The following CAPN13 variants were observed in gnomAD, a reference collection of about 807,000 sequenced individuals.
CAPN13 encodes the protein calpain-13.
CAPN13 carries 90 observed loss-of-function variants against 98.4 expected under a neutral mutation model. The observed-to-expected ratio is 0.92, with a 90% CI of 0.77 to 1.09. The LOEUF is 1.09. CAPN13 is among the 50% of genes least tolerant of loss of function. The pLI, the probability that CAPN13 is intolerant of heterozygous loss-of-function variation, is 0.00. For missense variants in CAPN13, 887 were observed against 841.3 expected (o/e 1.05, Z -0.67); for synonymous variants, 330 against 305.5 (o/e 1.08, Z -0.84).
At chr2:30,766,604 C>T (rs1673124052) in intron 5 of CAPN13, among the ~76,000 whole-genome samples, 1 of 152,226 alleles carries the variant, frequency 6.6e-6, no homozygotes, top group African/African-American at 2.4e-5. Context: ...TATTCCTCGT[C>T]ACCTGACCCA....
chr2:30,750,642 T>G (rs944139341), intron 11 of CAPN13, among the ~76,000 whole-genome samples: 1 of 152,192 alleles, frequency 6.6e-6, no homozygotes, highest in African/African-American at 2.4e-5. Context: ...CAGCTCATTT[T>G]TTTCCTAAGC....
intron 9 of CAPN13, among the ~76,000 whole-genome samples, chr2:30,753,399 C>T (rs2147994617): frequency 6.6e-6 from 1 of 152,304 alleles, no homozygotes; most frequent in Admixed American, 6.5e-5. Context: ...CAGTCAAGTT[C>T]TGGGGTCTGC....
chr2:30,772,190 C>A (rs1235238775), intron 4 of CAPN13, among the ~76,000 whole-genome samples: 2 of 152,220 alleles, frequency 1.3e-5, no homozygotes, highest in East Asian at 3.8e-4. Context: ...CCACCACCTG[C>A]ATTTCCTGGT....
At chr2:30,727,174 A>C (rs1670886337) in intron 22 of CAPN13, among the ~76,000 whole-genome samples, 1 of 152,206 alleles carries the variant, frequency 6.6e-6, no homozygotes, top group Admixed American at 6.5e-5. Flanking sequence ...ACACCATATA[A>C]AAAATGATCT....
chr2:30,750,116 G>A (rs996232509), intron 11 of CAPN13, among the ~76,000 whole-genome samples: 3 of 152,160 alleles, frequency 2.0e-5, no homozygotes, highest in African/African-American at 4.8e-5. Flanking sequence ...TATATACTGT[G>A]AAATATTATG....
intron 3 of CAPN13, among the ~76,000 whole-genome samples, chr2:30,776,292 C>T (rs1031758586): frequency 2.0e-5 from 3 of 152,128 alleles, no homozygotes; most frequent in African/African-American, 4.8e-5. Flanking sequence ...AGTGCAGTGA[C>T]GCGCTCTGGG....
chr2:30,789,134 A>G (rs1234955134), intron 1 of CAPN13, among the ~76,000 whole-genome samples: 2 of 152,240 alleles, frequency 1.3e-5, no homozygotes, highest in Non-Finnish European at 2.9e-5. Context: ...AGGGCCCGCA[A>G]CAAATTAAAT....
At chr2:30,736,737 C>A in intron 17 of CAPN13, 166 bp from the exon 18 acceptor site, 1 of 622,542 alleles carries the variant, frequency 1.6e-6, no homozygotes, top group Non-Finnish European at 2.9e-6. Context: ...CTGAAAGGGA[C>A]CTGGCTTAGA....
At chr2:30,748,718 A>G (rs1480656855) in intron 11 of CAPN13, among the ~76,000 whole-genome samples, 1 of 152,122 alleles carries the variant, frequency 6.6e-6, no homozygotes, top group African/African-American at 2.4e-5. Flanking sequence ...AAAGTGGAAA[A>G]GGTGTTCAGG....
intron 11 of CAPN13, among the ~76,000 whole-genome samples, chr2:30,747,130 C>G (rs1572808230): frequency 1.3e-5 from 2 of 152,232 alleles, no homozygotes; most frequent in East Asian, 3.9e-4. Flanking sequence ...ATGTTCCAGT[C>G]TTTTCACGTA....
At chr2:30,748,121 G>C (rs1672003508) in intron 11 of CAPN13, among the ~76,000 whole-genome samples, 1 of 152,240 alleles carries the variant, frequency 6.6e-6, no homozygotes, top group Admixed American at 6.5e-5. Context: ...GTGGGCTTCT[G>C]TCTTAGCTCA....
chr2:30,795,152 A>G (rs1411346261), intron 1 of CAPN13, among the ~76,000 whole-genome samples: 1 of 151,980 alleles, frequency 6.6e-6, no homozygotes, highest in Non-Finnish European at 1.5e-5. Flanking sequence ...ATGTTACCCT[A>G]TGATTTATTT....
At chr2:30,758,169 C>T (rs1180197591) in intron 7 of CAPN13, 32 bp from the exon 8 acceptor site, 1 of 1,516,362 alleles carries the variant, frequency 6.6e-7, no homozygotes, top group Non-Finnish European at 8.9e-7. Flanking sequence ...AAACTCAGTG[C>T]TCTACAGCAA....
intron 5 of CAPN13, 137 bp from the exon 6 acceptor site, chr2:30,764,443 C>G: frequency 1.1e-6 from 1 of 876,858 alleles, no homozygotes; most frequent in Non-Finnish European, 1.7e-6. Context: ...CACCCACCTC[C>G]CCTTTGCCTG....
intron 12 of CAPN13, among the ~76,000 whole-genome samples, chr2:30,744,120 A>G (rs1671795444): frequency 2.0e-5 from 3 of 152,248 alleles, no homozygotes; most frequent in Admixed American, 6.5e-5. Flanking sequence ...AACAATAAAT[A>G]TAATGCAGTT....
rs1432785958 is a variant in CAPN13, at chr2:30,753,200, T to G, written c.942-2A>C. 3.7e-6 allele frequency: 6 copies of G among 1,613,866 alleles called. 1 individual carries two copies. The highest frequency in any genetic ancestry group is 2.2e-5 in the South Asian group (2 of 91,070). The stretch of plus-strand genomic sequence containing the variant: ...TGTTGGAAATCTTGACACGACATCC[T>G]GTTAAAAACAGATATACATCACTCA... On this transcript the variant is annotated splice_acceptor_variant, in intron 9 of 22. Coordinates refer to ENST00000295055, the MANE Select transcript of CAPN13 (RefSeq NM_144575.3). LOFTEE classifies it high-confidence loss of function.
chr2:30,755,006 TAA>T (rs1672371732), intron 8 of CAPN13, among the ~76,000 whole-genome samples: 1 of 152,128 alleles, frequency 6.6e-6, no homozygotes, highest in African/African-American at 2.4e-5. Flanking sequence ...TCACACTCCT[TAA>T]AGAGAACTTT....
chr2:30,731,178 C>T (rs1401799234), intron 21 of CAPN13, among the ~76,000 whole-genome samples, 166 bp downstream of exon 21: 1 of 152,196 alleles, frequency 6.6e-6, no homozygotes, highest in East Asian at 1.9e-4. Context: ...CCTAAAGCAG[C>T]CTGGCGGCCA....
intron 18 of CAPN13, among the ~76,000 whole-genome samples, chr2:30,736,017 G>C (rs990618021): frequency 2.0e-5 from 3 of 152,104 alleles, no homozygotes; most frequent in Non-Finnish European, 2.9e-5. Context: ...AGAGTGGGAT[G>C]AGTGGAAAGG....
Sources: gnomAD v4.1 joint callset for allele counts (sites outside exome capture counted in the v4.1 genomes callset) on GRCh38, gnomAD v4.1.1 for gene constraint, MANE v1.5 for transcripts, NCBI Gene and HGNC (gene_info 2026-07-23, HGNC 2026-07-21) for gene names.